Variants in DGKG observed in about 807,000 individuals in gnomAD.
DGKG encodes the protein DAG kinase gamma.
In DGKG, 78 loss-of-function variants were observed where a neutral mutation model predicts 105.3. The ratio of observed to expected loss-of-function variants is 0.74; its 90% CI spans 0.62 to 0.89. The LOEUF is 0.89. Ranked by LOEUF, DGKG falls within the 40% of genes least tolerant of loss-of-function variation. DGKG has a pLI of 0.00. For missense variants in DGKG, 958 were observed against 1,020.1 expected, an observed-to-expected ratio of 0.94 and a Z score of 0.83; for synonymous variants, 346 against 367.1, an observed-to-expected ratio of 0.94 and a Z score of 0.66.
At chr3:186,329,000 G>A (rs1006848163) in intron 1 of DGKG, among the ~76,000 whole-genome samples, 1 of 152,182 alleles carries the variant, frequency 6.6e-6, no homozygotes, top group African/African-American at 2.4e-5. Context: ...GGTGACAGCT[G>A]ACAGCCAGGA....
intron 2 of DGKG, among the ~76,000 whole-genome samples, chr3:186,316,854 G>C (rs1324678311): frequency 6.6e-6 from 1 of 152,212 alleles, no homozygotes; most frequent in Non-Finnish European, 1.5e-5. Flanking sequence ...ACGGAAGAGT[G>C]GTTGCTATGG....
chr3:186,242,115 C>T (rs75037197), intron 20 of DGKG, among the ~76,000 whole-genome samples: 2,250 of 152,278 alleles, frequency 0.015, 25 homozygotes, highest in Non-Finnish European at 0.023. Flanking sequence ...CTTCCAGCCT[C>T]CCTGCTCTTC....
At chr3:186,230,306 A>G (rs1720088099) in intron 20 of DGKG, among the ~76,000 whole-genome samples, 1 of 152,136 alleles carries the variant, frequency 6.6e-6, no homozygotes, top group South Asian at 2.1e-4. Context: ...ACAACAAAAC[A>G]TTGGAGATGG....
chr3:186,295,328 C>T (rs1723496924), intron 5 of DGKG, among the ~76,000 whole-genome samples: 1 of 151,952 alleles, frequency 6.6e-6, no homozygotes, highest in Non-Finnish European at 1.5e-5. Context: ...TGGTGAAAGC[C>T]TGTTTCTACT....
chr3:186,306,640 T>C (rs1161046351), intron 3 of DGKG: 2 of 398,966 alleles, frequency 5.0e-6, no homozygotes, highest in African/African-American at 2.0e-5. Flanking sequence ...GAAAACTCAG[T>C]TGTTAACTGA....
At chr3:186,295,762 C>T (rs1036590433) in intron 5 of DGKG, among the ~76,000 whole-genome samples, 1 of 151,198 alleles carries the variant, frequency 6.6e-6, no homozygotes, top group Non-Finnish European at 1.5e-5. Context: ...CCAGGTGACA[C>T]ACTTGGAGAC....
At chr3:186,200,924 A>C (rs2108510803) in intron 21 of DGKG, among the ~76,000 whole-genome samples, 1 of 151,836 alleles carries the variant, frequency 6.6e-6, no homozygotes, top group South Asian at 2.1e-4. Context: ...TGCCTTTGAG[A>C]GGGGCAGCTG....
chr3:186,161,504 C>A, intron 24 of DGKG, 99 bp downstream of exon 24: 1 of 1,583,482 alleles, frequency 6.3e-7, no homozygotes, highest in South Asian at 1.2e-5. Flanking sequence ...TCCACAGTCC[C>A]TGTGACTCTG....
In DGKG at chr3:186,261,756, C is replaced by A. The variant is rs532825720; in HGVS notation, c.1292G>T (p.Gly431Val). The stretch of plus-strand genomic sequence containing the variant: ...CACCAAGACCAGCAGGGGGTGGGTA[C>A]CCGGGGTGGGGATGATCTTATACTT... ...VMQYKIIPTP[G>V]THPLLVLVNP... The change falls in exon 15 of 25, where the codon GGT becomes GTT. Residue 431 changes from glycine (G) to valine (V), a missense_variant. Coordinates refer to ENST00000265022, the MANE Select transcript of DGKG (RefSeq NM_001346.3). The A allele has an allele frequency of 1.2e-6, 2 of 1,607,108 alleles. No homozygotes were observed. Among genetic ancestry groups the A allele is most frequent in the Non-Finnish European group, 1.7e-6 (2 of 1,176,994 alleles).
At chr3:186,334,149 C>T (rs1388789558) in intron 1 of DGKG, among the ~76,000 whole-genome samples, 1 of 152,156 alleles carries the variant, frequency 6.6e-6, no homozygotes, top group Non-Finnish European at 1.5e-5. Flanking sequence ...TGAGGGTCTA[C>T]TATCTGTTCT....
chr3:186,287,431 TG>T (rs1344131236), intron 6 of DGKG, among the ~76,000 whole-genome samples: 7 of 152,366 alleles, frequency 4.6e-5, no homozygotes, highest in Admixed American at 1.3e-4. Context: ...TTGTTGAAAC[TG>T]GATGATGGGG....
chr3:186,236,508 G>T (rs1304260192), intron 20 of DGKG, among the ~76,000 whole-genome samples: 2 of 152,184 alleles, frequency 1.3e-5, no homozygotes, highest in African/African-American at 2.4e-5. Flanking sequence ...CTTGCCCAAG[G>T]TCACATAGCT....
chr3:186,280,828 T>A, intron 7 of DGKG, 84 bp from the exon 8 acceptor site: 1 of 1,166,436 alleles, frequency 8.6e-7, no homozygotes, highest in Non-Finnish European at 1.3e-6. Flanking sequence ...TTAAGCCCAG[T>A]GGGAAGAGGG....
chr3:186,340,177 G>A lies in DGKG; in HGVS notation c.-248-19470C>T, dbSNP rs181059136. Among the ~76,000 whole-genome samples, 272 of 152,288 alleles carry A rather than the reference G, an allele frequency of 1.8e-3. 1 individual carries two copies. The highest frequency in any genetic ancestry group is 5.9e-3 in the African/African-American group (244 of 41,542). ...TGAAAAATCTTCGAGGAAGAGGATG[G>A]GAGGGAAAGAAGATGCTTTTCAGTA... On this transcript the variant is annotated intron_variant, in intron 1 of 24. Coordinates refer to ENST00000265022, the MANE Select transcript of DGKG (RefSeq NM_001346.3).
At chr3:186,334,091 A>G (rs58437574) in intron 1 of DGKG, among the ~76,000 whole-genome samples, 9,763 of 151,778 alleles carry the variant, frequency 0.064, 1,010 homozygotes, top group African/African-American at 0.22. Context: ...CCTTTTCCTC[A>G]TCCCCTTTTT....
chr3:186,243,720 C>T (rs553242864), intron 19 of DGKG, among the ~76,000 whole-genome samples: 6 of 152,076 alleles, frequency 3.9e-5, no homozygotes, highest in African/African-American at 1.4e-4. Context: ...CTAATTGAGC[C>T]GGAGATGGGG....
chr3:186,174,821 C>T (rs1024054485), intron 22 of DGKG, among the ~76,000 whole-genome samples: 14 of 152,184 alleles, frequency 9.2e-5, no homozygotes, highest in African/African-American at 2.2e-4. Context: ...TTGGGTACCC[C>T]GCTCCTTTGT....
chr3:186,320,227 G>A (rs1054946458), intron 2 of DGKG, among the ~76,000 whole-genome samples, 166 bp downstream of exon 2: 2 of 152,184 alleles, frequency 1.3e-5, no homozygotes, highest in Middle Eastern at 3.4e-3. Context: ...AGATAATTGC[G>A]TTTTTATGTT....
At chr3:186,298,815 T>G (rs1723724582) in intron 3 of DGKG, among the ~76,000 whole-genome samples, 1 of 152,248 alleles carries the variant, frequency 6.6e-6, no homozygotes, top group South Asian at 2.1e-4. Context: ...GGCTCCATCC[T>G]TCATGACTTT....
Sources: allele counts gnomAD v4.1 joint callset (sites outside exome capture counted in the v4.1 genomes callset), GRCh38; gene constraint gnomAD v4.1.1; transcripts MANE v1.5; gene names NCBI Gene and HGNC (gene_info 2026-07-23, HGNC 2026-07-21).